Variants in CDK14 observed in about 807,000 individuals in gnomAD.
The protein encoded by CDK14 is cyclin dependent kinase 14.
CDK14 carries 34 observed loss-of-function variants against 60.7 expected under a neutral mutation model. The observed-to-expected ratio is 0.56, with a 90% CI of 0.43 to 0.75. The LOEUF (loss-of-function observed/expected upper bound fraction) is 0.75. Ranked by LOEUF, CDK14 falls within the 30% of genes least tolerant of loss-of-function variation. The probability of loss-of-function intolerance (pLI) is 0.00; values close to 1 mark genes in which losing one functional copy is unlikely to be tolerated. For missense variants in CDK14, 482 were observed against 564.1 expected (o/e 0.85, Z 1.47); for synonymous variants, 197 against 203.7 (o/e 0.97, Z 0.28).
At chr7:90,982,002 G>A (rs1231648869) in intron 9 of CDK14, among the ~76,000 whole-genome samples, 2 of 152,118 alleles carry the variant, frequency 1.3e-5, no homozygotes, top group African/African-American at 4.8e-5. Flanking sequence ...CAGAGTCCCG[G>A]CAGAAGTATC....
chr7:91,058,844 C>T (rs184281894), intron 11 of CDK14, among the ~76,000 whole-genome samples: 102 of 152,084 alleles, frequency 6.7e-4, no homozygotes, highest in African/African-American at 2.3e-3. Context: ...ATGTTTATCA[C>T]GGATATTGGT....
intron 8 of CDK14, among the ~76,000 whole-genome samples, chr7:90,944,694 A>G (rs1584151622): frequency 1.3e-5 from 2 of 152,216 alleles, no homozygotes; most frequent in South Asian, 4.1e-4. Flanking sequence ...ATTGTGCCAC[A>G]GCACTCCAGC....
At position 90,914,281 on chromosome 7, in the gene CDK14, G is replaced by A. The variant is rs193025279; in HGVS notation, c.703-3320G>A. Reference sequence around the variant, plus strand: ...TTGTGATTCGTTCCCTTCTCTTCTTGTAACAGCCAAATCAATTCTTCTACT... The same window carrying A: ...TTGTGATTCGTTCCCTTCTCTTCTTATAACAGCCAAATCAATTCTTCTACT... On this transcript the variant is annotated intron_variant, in intron 7 of 14. Coordinates refer to ENST00000380050, the MANE Select transcript of CDK14 (RefSeq NM_001287135.2). Among the ~76,000 whole-genome samples, 12 of 152,202 alleles carry A rather than the reference G, an allele frequency of 7.9e-5. No homozygotes were observed. In the East Asian group the frequency reaches 9.7e-4, roughly 12 times the overall value.
At chr7:91,087,166 A>G (rs565457925) in intron 12 of CDK14, among the ~76,000 whole-genome samples, 31 of 152,300 alleles carry the variant, frequency 2.0e-4, no homozygotes, top group African/African-American at 6.3e-4. Context: ...TTTGATTTTC[A>G]TGAAACAATA....
chr7:90,890,298 A>G, intron 6 of CDK14, among the ~76,000 whole-genome samples: 1 of 152,164 alleles, frequency 6.6e-6, no homozygotes, highest in East Asian at 1.9e-4. Context: ...CCTTGAGTCT[A>G]GGACTTTGAA....
At chr7:90,925,343 G>C (rs1311975556) in intron 8 of CDK14, among the ~76,000 whole-genome samples, 2 of 152,192 alleles carry the variant, frequency 1.3e-5, no homozygotes, top group Non-Finnish European at 2.9e-5. Flanking sequence ...TCCAGCCATA[G>C]AGTTGGGAGC....
intron 14 of CDK14, among the ~76,000 whole-genome samples, chr7:91,174,215 A>C (rs996005231): frequency 3.4e-4 from 52 of 152,076 alleles, no homozygotes; most frequent in African/African-American, 7.2e-4. Flanking sequence ...CTCACACGGC[A>C]GGGTATTCCA....
intron 6 of CDK14, among the ~76,000 whole-genome samples, chr7:90,890,477 G>A (rs1792082197): frequency 6.6e-6 from 1 of 152,130 alleles, no homozygotes; most frequent in South Asian, 2.1e-4. Flanking sequence ...CACCCTGAAT[G>A]CCTGTGATTT....
intron 6 of CDK14, among the ~76,000 whole-genome samples, chr7:90,891,896 C>T (rs191094565): frequency 6.6e-6 from 1 of 152,228 alleles, no homozygotes; most frequent in South Asian, 2.1e-4. Context: ...AATGCTAATG[C>T]AAAAGCAGAA....
intron 11 of CDK14, among the ~76,000 whole-genome samples, chr7:91,052,970 C>T (rs17163544): frequency 0.076 from 11,541 of 151,894 alleles, 643 homozygotes; most frequent in African/African-American, 0.15. Context: ...TGTTTACATA[C>T]GGACTTAGCT....
chr7:90,840,924 A>G (rs997264788), intron 5 of CDK14, among the ~76,000 whole-genome samples: 1 of 152,124 alleles, frequency 6.6e-6, no homozygotes, highest in Admixed American at 6.6e-5. Flanking sequence ...GTGTCTGTTT[A>G]AAGTGCAAGT....
At chr7:90,711,131 C>T (rs1471725861) in intron 2 of CDK14, among the ~76,000 whole-genome samples, 1 of 151,860 alleles carries the variant, frequency 6.6e-6, no homozygotes, top group Non-Finnish European at 1.5e-5. Context: ...TGGCATGTAG[C>T]CAGTTCTGTA....
intron 7 of CDK14, among the ~76,000 whole-genome samples, chr7:90,909,449 A>C: frequency 9.0e-6 from 1 of 111,600 alleles, no homozygotes; most frequent in South Asian, 3.4e-4. Flanking sequence ...CCCCCGCAAC[A>C]TGCTTCACGG....
intron 14 of CDK14, among the ~76,000 whole-genome samples, chr7:91,193,226 G>A (rs1034705770): frequency 6.6e-6 from 1 of 152,150 alleles, no homozygotes; most frequent in Non-Finnish European, 1.5e-5. Context: ...TAATCCTGAG[G>A]TTCTTGACCT....
chr7:90,627,423 G>T (rs1799900551), intron 2 of CDK14, among the ~76,000 whole-genome samples: 1 of 152,110 alleles, frequency 6.6e-6, no homozygotes, highest in Non-Finnish European at 1.5e-5. Context: ...GTGTTGCCCA[G>T]GCTGGACTCA....
At chr7:90,917,985 G>A (rs966944771) in intron 8 of CDK14, among the ~76,000 whole-genome samples, 2 of 151,844 alleles carry the variant, frequency 1.3e-5, no homozygotes, top group Non-Finnish European at 2.9e-5. Context: ...ATTTCCAAAG[G>A]AAAAGTCAGT....
At chr7:91,096,550 A>T (rs769040420) in intron 12 of CDK14, among the ~76,000 whole-genome samples, 12 of 152,052 alleles carry the variant, frequency 7.9e-5, no homozygotes, top group Non-Finnish European at 1.3e-4. Flanking sequence ...TGAGATAATA[A>T]ATATTTGTTG....
At chr7:90,765,594 C>T (rs544414966) in intron 4 of CDK14, among the ~76,000 whole-genome samples, 1 of 122,242 alleles carries the variant, frequency 8.2e-6, no homozygotes, top group Non-Finnish European at 1.7e-5. Flanking sequence ...CATTTTACAA[C>T]TAGGAAGGTT....
At chr7:90,663,154 T>C (rs984003798) in intron 2 of CDK14, among the ~76,000 whole-genome samples, 1 of 151,858 alleles carries the variant, frequency 6.6e-6, no homozygotes, top group Non-Finnish European at 1.5e-5. Context: ...GTTACCTCCA[T>C]GTAGGCCACC....
Sources: gnomAD v4.1 joint callset for allele counts (sites outside exome capture counted in the v4.1 genomes callset) on GRCh38, gnomAD v4.1.1 for gene constraint, MANE v1.5 for transcripts, NCBI Gene and HGNC (gene_info 2026-07-23, HGNC 2026-07-21) for gene names.